Variants in NT5C1B observed in about 807,000 individuals in gnomAD.
NT5C1B encodes cytosolic 5'-nucleotidase 1B.
In NT5C1B, 44 loss-of-function variants were observed where a neutral mutation model predicts 57.8. The observed-to-expected ratio is 0.76, with a 90% confidence interval of 0.60 to 0.98. The LOEUF (loss-of-function observed/expected upper bound fraction) is 0.98, where lower values mean the gene tolerates loss of function less well. NT5C1B is among the 50% of genes least tolerant of loss of function. The pLI, the probability that NT5C1B is intolerant of heterozygous loss-of-function variation, is 0.00. For synonymous variants in NT5C1B, 284 were observed against 282.6 expected (o/e 1.00, Z -0.05); for missense variants, 742 against 719.5 (o/e 1.03, Z -0.36).
intron 8 of NT5C1B, among the ~76,000 whole-genome samples, chr2:18,571,839 T>C (rs1055221734): frequency 2.0e-5 from 3 of 148,292 alleles, no homozygotes; most frequent in Non-Finnish European, 3.0e-5. Context: ...CAGTGGCTCA[T>C]GCCTGTAATC....
intron 2 of NT5C1B, chr2:18,586,894 C>A: frequency 6.4e-7 from 1 of 1,564,296 alleles, no homozygotes; most frequent in East Asian, 2.3e-5. Flanking sequence ...AAGGACCCCC[C>A]GGAACAGCAA....
chr2:18,581,847 C>T (rs1666214591), intron 6 of NT5C1B, among the ~76,000 whole-genome samples: 1 of 152,186 alleles, frequency 6.6e-6, no homozygotes, highest in East Asian at 1.9e-4. Flanking sequence ...AAGGAAGTAA[C>T]TAACTCTTCT....
intron 7 of NT5C1B, 152 bp from the exon 8 acceptor site, chr2:18,576,520 C>T (rs922182623): frequency 8.3e-7 from 1 of 1,210,424 alleles, no homozygotes. Flanking sequence ...GACCTCAGAA[C>T]AGTTGTCTAT....
At chr2:18,586,822 C>G (rs1666753788) in intron 2 of NT5C1B, 1 of 1,265,392 alleles carries the variant, frequency 7.9e-7, no homozygotes, top group Non-Finnish European at 1.1e-6. Flanking sequence ...CAGGGGGACT[C>G]TAAGGCAGCT....
intron 1 of NT5C1B, 36 bp downstream of exon 1, chr2:18,589,403 C>G (rs751762838): frequency 6.2e-7 from 1 of 1,614,014 alleles, no homozygotes; most frequent in Non-Finnish European, 8.5e-7. Context: ...TTTCTTCAGC[C>G]CCATGGCAAG....
At chr2:18,583,382 T>C (rs1326718949) in intron 5 of NT5C1B, 1 of 181,688 alleles carries the variant, frequency 5.5e-6, no homozygotes. Flanking sequence ...TATGGACTGC[T>C]TCATGAATCT....
chr2:18,580,877 G>A (rs868555029), intron 6 of NT5C1B, among the ~76,000 whole-genome samples: 11 of 152,312 alleles, frequency 7.2e-5, no homozygotes, highest in Middle Eastern at 3.4e-3. Context: ...TTATAAGTGG[G>A]AGCTAAACAT....
At chr2:18,572,682 A>G (rs1367089391) in intron 8 of NT5C1B, among the ~76,000 whole-genome samples, 1 of 152,192 alleles carries the variant, frequency 6.6e-6, no homozygotes, top group Non-Finnish European at 1.5e-5. Flanking sequence ...AAAAGCACTG[A>G]TAAGATGCTC....
intron 8 of NT5C1B, among the ~76,000 whole-genome samples, chr2:18,569,770 A>G (rs2148096748): frequency 6.6e-6 from 1 of 152,234 alleles, no homozygotes; most frequent in Non-Finnish European, 1.5e-5. Flanking sequence ...GGAGATTTCA[A>G]CATTGCCTTC....
chr2:18,585,735 A>G (rs1439886306), intron 3 of NT5C1B, among the ~76,000 whole-genome samples: 1 of 152,226 alleles, frequency 6.6e-6, no homozygotes, highest in Non-Finnish European at 1.5e-5. Flanking sequence ...TGATTGAGTC[A>G]AATCCGATAG....
chr2:18,579,477 A>G (rs986980886), intron 6 of NT5C1B, among the ~76,000 whole-genome samples: 1 of 152,244 alleles, frequency 6.6e-6, no homozygotes, highest in Non-Finnish European at 1.5e-5. Context: ...AAACCCAGAA[A>G]TAAAGCCACA....
At chr2:18,576,866 C>A (rs145698850) in exon 7 of NT5C1B, 21 of 1,613,736 alleles carry the variant, frequency 1.3e-5, no homozygotes, top group Non-Finnish European at 1.8e-5. Flanking sequence ...TCTTTTCCCC[C>A]GGTCAGACAG....
At chr2:18,578,504 AAAG>A (rs1476741218) in intron 6 of NT5C1B, among the ~76,000 whole-genome samples, 1 of 152,046 alleles carries the variant, frequency 6.6e-6, no homozygotes, top group Admixed American at 6.5e-5. Context: ...ATAAAAGTAA[AAAG>A]AACTAAAAGT....
intron 6 of NT5C1B, among the ~76,000 whole-genome samples, chr2:18,581,393 TTA>T (rs1237708889): frequency 2.0e-5 from 3 of 152,188 alleles, no homozygotes; most frequent in Non-Finnish European, 4.4e-5. Flanking sequence ...GTGACAGTAG[TTA>T]TATAAAGTAT....
exon 8 of NT5C1B, chr2:18,576,236 A>T (rs1296877159): frequency 6.2e-7 from 1 of 1,613,712 alleles, no homozygotes; most frequent in East Asian, 2.2e-5. Flanking sequence ...GAATTTGTCG[A>T]GCCCATGCTC....
intron 8 of NT5C1B, among the ~76,000 whole-genome samples, chr2:18,570,642 G>A (rs763703888): frequency 2.6e-5 from 4 of 152,086 alleles, no homozygotes; most frequent in Non-Finnish European, 4.4e-5. Flanking sequence ...CTCAGATGGC[G>A]TCTCTGAAAA....
rs772748163 is a variant in NT5C1B, at chr2:18,584,694, G to C, written c.543C>G (p.Thr181=). 1.9e-6 allele frequency: 3 copies of C among 1,611,954 alleles called. No homozygotes were observed. Among genetic ancestry groups the C allele is most frequent in the African/African-American group, 1.3e-5 (1 of 74,890 alleles). ...TGCGCTGGCTGGAGGACTTCCACTC[G>C]GTGGGGGACGTGCGCGAATATTCCA... The change falls in exon 4 of 9, where the codon ACC becomes ACG. Residue 181 remains threonine, a synonymous_variant. Transcript: ENST00000304081. This position sits in a 1 kb window ranked among gnomAD's most constrained non-coding sequence, Gnocchi z 5.8.
At chr2:18,574,190 C>A (rs1481436809) in intron 8 of NT5C1B, among the ~76,000 whole-genome samples, 1 of 152,050 alleles carries the variant, frequency 6.6e-6, no homozygotes, top group Non-Finnish European at 1.5e-5. Context: ...CTAAAGAACA[C>A]ATACAAATGT....
At chr2:18,581,680 C>T (rs1257473010) in intron 6 of NT5C1B, among the ~76,000 whole-genome samples, 10 of 151,986 alleles carry the variant, frequency 6.6e-5, no homozygotes, top group Admixed American at 6.6e-4. Context: ...TTTCATCACC[C>T]AGAAATTATT....
Sources: gnomAD v4.1 joint callset for allele counts (sites outside exome capture counted in the v4.1 genomes callset) on GRCh38, gnomAD v4.1.1 for gene constraint, Gnocchi (gnomAD v3.1) non-coding constraint, MANE v1.5 for transcripts, NCBI Gene and HGNC (gene_info 2026-07-23, HGNC 2026-07-21) for gene names.